Variants in TEX11 observed in about 807,000 individuals in gnomAD.
TEX11 encodes testis expressed 11.
TEX11 carries 7 observed loss-of-function variants against 84.4 expected under a neutral mutation model. The ratio of observed to expected loss-of-function variants is 0.08; its 90% confidence interval spans 0.05 to 0.16. The LOEUF is 0.16. Ranked by LOEUF, TEX11 falls within the 10% of genes least tolerant of loss-of-function variation. The pLI is 1.00. For missense variants in TEX11, 551 were observed against 660.5 expected, an observed-to-expected ratio of 0.83 and a Z score of 1.82; for synonymous variants, 264 against 222.8, an observed-to-expected ratio of 1.18 and a Z score of -1.64.
intron 2 of TEX11, among the ~76,000 whole-genome samples, chrX:70,890,023 C>T (rs1569461669): frequency 9.0e-6 from 1 of 111,175 alleles, no homozygotes; most frequent in African/African-American, 3.3e-5. Flanking sequence ...CCATTGATCC[C>T]TTGCCTACAA....
intron 17 of TEX11, among the ~76,000 whole-genome samples, chrX:70,645,047 C>T (rs1213128458): frequency 5.4e-5 from 6 of 110,174 alleles, no homozygotes; most frequent in Non-Finnish European, 1.1e-4. Context: ...ATTGGATAAT[C>T]TAGAAGAAAG....
At position 70,908,679 on chromosome X, in the gene TEX11, C is replaced by G. The variant is rs752542415; in HGVS notation, c.-47G>C. On this transcript the variant is annotated 5_prime_UTR_variant, in exon 1 of 30. Coordinates refer to ENST00000374333, the MANE Select transcript of TEX11 (RefSeq NM_031276.3). ...CTCAGCCGCAGCCACCAATGCCGCC[C>G]TGCTCTCTCCACAACCTCCGTCCAC... The G allele has an allele frequency of 8.9e-6, 1 of 111,944 alleles. No individual in the cohort carries two copies. Among genetic ancestry groups the G allele is most frequent in the South Asian group, 3.8e-4 (1 of 2,661 alleles). 9.2% of individuals were successfully genotyped at this position (111,944 alleles called of 1,213,427 possible).
chrX:70,514,024 C>T, the TEX11 span, among the ~76,000 whole-genome samples: 13 of 108,822 alleles, frequency 1.2e-4, 1 homozygote, highest in African/African-American at 4.4e-4. Flanking sequence ...TAGTTTGAAC[C>T]GTATGAAATT....
At chrX:70,898,607 ATTT>A (rs60312400) in intron 2 of TEX11, among the ~76,000 whole-genome samples, 9 of 85,583 alleles carry the variant, frequency 1.1e-4, no homozygotes, top group Admixed American at 1.3e-4. Context: ...TATAAACTGT[ATTT>A]TTTTTTTTTT....
At chrX:70,699,998 T>A (rs189990520) in intron 13 of TEX11, among the ~76,000 whole-genome samples, 1 of 112,146 alleles carries the variant, frequency 8.9e-6, no homozygotes, top group East Asian at 2.8e-4. Context: ...AGTTAAATCT[T>A]ATATAACTAT....
At chrX:70,533,890 G>A (rs1363024443) in intron 28 of TEX11, among the ~76,000 whole-genome samples, 6 of 109,569 alleles carry the variant, frequency 5.5e-5, no homozygotes, top group Non-Finnish European at 7.6e-5. Flanking sequence ...TCAAGAGATC[G>A]AGACCATCCT....
At chrX:70,712,676 T>G (rs1044911241) in intron 13 of TEX11, among the ~76,000 whole-genome samples, 2 of 111,185 alleles carry the variant, frequency 1.8e-5, no homozygotes, top group East Asian at 2.8e-4. Context: ...CTTATCAGCT[T>G]AAGGAGATTT....
At chrX:70,566,456 T>C (rs757517326) in intron 25 of TEX11, among the ~76,000 whole-genome samples, 27 of 110,267 alleles carry the variant, frequency 2.4e-4, no homozygotes, top group African/African-American at 7.6e-4. Context: ...ATAGGAGTGG[T>C]GAGAGAGGGC....
Position 70,561,929 on chromosome X carries a change from G to T in TEX11, c.2141-7129C>A, listed in dbSNP as rs769253043. Among the ~76,000 whole-genome samples the T allele has an allele frequency of 4.5e-5, 5 of 112,249 alleles. No homozygotes were observed. In the East Asian group the frequency reaches 1.4e-3, roughly 31 times the overall value. Reference sequence around the variant, plus strand: ...CAATTTAGTCTATGTGAAATAGTAAGTGAATGCAGAAAGCAGCATCTGGCT... The same window carrying T: ...CAATTTAGTCTATGTGAAATAGTAATTGAATGCAGAAAGCAGCATCTGGCT... On this transcript the variant is annotated intron_variant, in intron 25 of 29. Transcript: ENST00000374333.
chrX:70,684,579 A>T (rs2090172533), intron 13 of TEX11, among the ~76,000 whole-genome samples: 1 of 112,196 alleles, frequency 8.9e-6, no homozygotes, highest in Non-Finnish European at 1.9e-5. Context: ...CTCCATCTCA[A>T]ATATATATGA....
chrX:70,757,594 C>A (rs2090876749), intron 9 of TEX11, among the ~76,000 whole-genome samples: 1 of 111,727 alleles, frequency 9.0e-6, no homozygotes, highest in African/African-American at 3.3e-5. Flanking sequence ...CACCACCAGG[C>A]CTGTCTTATA....
At chrX:70,592,253 G>A (rs771691983) in intron 24 of TEX11, among the ~76,000 whole-genome samples, 20 of 111,410 alleles carry the variant, frequency 1.8e-4, no homozygotes, top group Non-Finnish European at 3.0e-4. Flanking sequence ...CTAAGTCTTA[G>A]TAAGAACAGT....
intron 7 of TEX11, among the ~76,000 whole-genome samples, chrX:70,846,986 G>C (rs1259500286): frequency 9.0e-6 from 1 of 111,671 alleles, no homozygotes; most frequent in Non-Finnish European, 1.9e-5. Flanking sequence ...CCCAGTGGGA[G>C]GTGTTTAGGA....
At chrX:70,566,546 T>C (rs1603075358) in intron 25 of TEX11, among the ~76,000 whole-genome samples, 1 of 111,277 alleles carries the variant, frequency 9.0e-6, no homozygotes, top group Non-Finnish European at 1.9e-5. Flanking sequence ...GGGTTTGTCA[T>C]AGATAGCTCT....
chrX:70,879,356 C>CTT (rs2091671393), intron 3 of TEX11, among the ~76,000 whole-genome samples: 1 of 110,542 alleles, frequency 9.0e-6, no homozygotes, highest in Non-Finnish European at 1.9e-5. Context: ...TATATAGATA[C>CTT]TTATATATAT....
chrX:70,775,340 C>T (rs1158076678), intron 9 of TEX11, among the ~76,000 whole-genome samples: 1 of 110,736 alleles, frequency 9.0e-6, no homozygotes, highest in African/African-American at 3.3e-5. Flanking sequence ...ACAAATGGTA[C>T]CATATTAAAT....
chrX:70,838,705 C>A (rs1481369435), intron 7 of TEX11, among the ~76,000 whole-genome samples: 1 of 112,712 alleles, frequency 8.9e-6, no homozygotes, highest in Non-Finnish European at 1.9e-5. Context: ...ACCAGGGAAG[C>A]ACAAGGGGTC....
intron 4 of TEX11, among the ~76,000 whole-genome samples, chrX:70,864,931 G>A (rs970927747): frequency 8.2e-5 from 9 of 110,258 alleles, no homozygotes; most frequent in East Asian, 5.7e-4. Context: ...GGTAACAGCC[G>A]CGGCAAAAAC....
At chrX:70,900,595 A>T (rs2091798145) in intron 2 of TEX11, among the ~76,000 whole-genome samples, 1 of 110,156 alleles carries the variant, frequency 9.1e-6, no homozygotes, top group African/African-American at 3.3e-5. Flanking sequence ...AGTTAGTTGA[A>T]GAAAAGAAAT....
Sources: allele counts gnomAD v4.1 joint callset (sites outside exome capture counted in the v4.1 genomes callset), GRCh38; gene constraint gnomAD v4.1.1; transcripts MANE v1.5; gene names NCBI Gene and HGNC (gene_info 2026-07-23, HGNC 2026-07-21).